TYW1B: variants seen among roughly 807,000 people sequenced by gnomAD.
The protein encoded by TYW1B is S-adenosyl-L-methionine-dependent tRNA 4-demethylwyosine synthase TYW1B.
A neutral mutation model predicts 86.9 loss-of-function variants in TYW1B; 73 were observed. That is an observed-to-expected ratio of 0.84 (90% CI 0.70 to 1.02). The LOEUF (loss-of-function observed/expected upper bound fraction) is 1.02. TYW1B is among the 50% of genes least tolerant of loss of function. TYW1B has a pLI of 0.00. For missense variants in TYW1B, 637 were observed against 827.4 expected (o/e 0.77, Z 2.82); for synonymous variants, 248 against 292.8 (o/e 0.85, Z 1.56).
chr7:72,574,889 C>T lies in TYW1B; in HGVS notation c.*609G>A. ...AATTTACATGGGAATGGGATGAGAT[C>T]TAGTAGTTTTAGATCCGATGCAATT... On this transcript the variant is annotated 3_prime_UTR_variant, in exon 14 of 14. Coordinates refer to ENST00000620995, the MANE Select transcript of TYW1B (RefSeq NM_001145440.3). 2 of 986,080 alleles carry T rather than the reference C, an allele frequency of 2.0e-6. No individual in the cohort carries two copies. Among genetic ancestry groups the T allele is most frequent in the South Asian group, 4.7e-5 (1 of 21,312 alleles). The allele number at this position is 986,080 out of a possible 1,614,324, so 61.1% of individuals were successfully genotyped here.
chr7:72,626,721 T>A (rs779419712), intron 12 of TYW1B, among the ~76,000 whole-genome samples: 28 of 152,038 alleles, frequency 1.8e-4, no homozygotes, highest in Non-Finnish European at 3.2e-4. Flanking sequence ...CCAAAAGGAA[T>A]CCTAAATGCA....
At chr7:72,770,827 A>AT (rs1483674482) in intron 7 of TYW1B, among the ~76,000 whole-genome samples, 2 of 152,168 alleles carry the variant, frequency 1.3e-5, no homozygotes, top group Non-Finnish European at 2.9e-5. Context: ...CTACTGAGCA[A>AT]TAAAAGTGAA....
At chr7:72,749,983 G>A (rs372731090) in intron 7 of TYW1B, among the ~76,000 whole-genome samples, 1 of 34,212 alleles carries the variant, frequency 2.9e-5, no homozygotes, top group Non-Finnish European at 5.1e-5. Context: ...TCAAACTCCT[G>A]GACTCAAATG....
intron 2 of TYW1B, among the ~76,000 whole-genome samples, chr7:72,822,702 G>A (rs1383276310): frequency 6.6e-6 from 1 of 152,140 alleles, no homozygotes; most frequent in African/African-American, 2.4e-5. Flanking sequence ...ATCCTATCCT[G>A]TAATCCTAGC....
intron 6 of TYW1B, among the ~76,000 whole-genome samples, chr7:72,794,281 T>G (rs1788269576): frequency 6.6e-6 from 1 of 151,986 alleles, no homozygotes; most frequent in South Asian, 2.1e-4. Context: ...CTTGGCCAGG[T>G]GCAGTGGCTC....
At chr7:72,749,438 C>A (rs568775356) in intron 7 of TYW1B, among the ~76,000 whole-genome samples, 200 of 152,158 alleles carry the variant, frequency 1.3e-3, no homozygotes, top group African/African-American at 4.6e-3. Context: ...GGACTACAGG[C>A]ACCCACCACC....
intron 13 of TYW1B, among the ~76,000 whole-genome samples, chr7:72,583,367 T>C (rs1811201877): frequency 6.6e-6 from 1 of 151,844 alleles, no homozygotes; most frequent in Non-Finnish European, 1.5e-5. Flanking sequence ...GAAAGATAAT[T>C]AGCAAAATGG....
chr7:72,578,399 G>C (rs1261308513), intron 13 of TYW1B, among the ~76,000 whole-genome samples: 2 of 152,164 alleles, frequency 1.3e-5, no homozygotes, highest in African/African-American at 4.8e-5. Context: ...ACAGGCATGA[G>C]CCACTGCACC....
chr7:72,767,335 G>A (rs1169908038), intron 7 of TYW1B, among the ~76,000 whole-genome samples: 4 of 152,182 alleles, frequency 2.6e-5, no homozygotes, highest in Non-Finnish European at 5.9e-5. Context: ...GGCCAGGCAC[G>A]GTGGCTCACA....
chr7:72,744,387 C>G, intron 8 of TYW1B, 97 bp downstream of exon 8: 2 of 1,268,420 alleles, frequency 1.6e-6, no homozygotes, highest in South Asian at 1.3e-5. Context: ...ATCACCAAGA[C>G]AGCAGAGCTC....
chr7:72,771,973 C>T (rs753747488), intron 7 of TYW1B, among the ~76,000 whole-genome samples: 9 of 151,620 alleles, frequency 5.9e-5, no homozygotes, highest in African/African-American at 9.7e-5. Flanking sequence ...CAGACTCCCA[C>T]GTAATTGGGA....
chr7:72,773,728 G>C (rs1203813990), intron 7 of TYW1B, among the ~76,000 whole-genome samples: 1 of 152,154 alleles, frequency 6.6e-6, no homozygotes, highest in Non-Finnish European at 1.5e-5. Context: ...TAGACATTTA[G>C]AGAAGAAACA....
intron 6 of TYW1B, among the ~76,000 whole-genome samples, chr7:72,782,518 GTCTT>G (rs1425367671): frequency 2.0e-5 from 3 of 152,092 alleles, no homozygotes; most frequent in Non-Finnish European, 2.9e-5. Flanking sequence ...CTGGGAAAGA[GTCTT>G]TCTGATTGTT....
chr7:72,780,177 C>T (rs1455548740), intron 6 of TYW1B, among the ~76,000 whole-genome samples: 1 of 152,066 alleles, frequency 6.6e-6, no homozygotes, highest in Non-Finnish European at 1.5e-5. Flanking sequence ...GCTATGTCGC[C>T]CAGGCTGGTC....
At chr7:72,601,756 A>C (rs1293707335) in intron 13 of TYW1B, among the ~76,000 whole-genome samples, 1 of 151,908 alleles carries the variant, frequency 6.6e-6, no homozygotes, top group Non-Finnish European at 1.5e-5. Context: ...TAAGTGAAAA[A>C]AAAAAAAGGT....
chr7:72,652,377 GAAAAAAAAAAAAAAAA>G (rs1169791430), intron 11 of TYW1B, among the ~76,000 whole-genome samples: 1 of 31,286 alleles, frequency 3.2e-5, no homozygotes, highest in African/African-American at 8.6e-5. Flanking sequence ...GACTCTGTCT[GAAAAAAAAAAAAAAAA>G]AAAAAAAAAA....
chr7:72,654,325 T>C (rs1191078257), intron 11 of TYW1B, among the ~76,000 whole-genome samples: 1 of 152,126 alleles, frequency 6.6e-6, no homozygotes, highest in Non-Finnish European at 1.5e-5. Flanking sequence ...CCAAAACACA[T>C]AAGCACAATT....
At chr7:72,791,486 C>G (rs1339986770) in intron 6 of TYW1B, among the ~76,000 whole-genome samples, 15 of 151,208 alleles carry the variant, frequency 9.9e-5, no homozygotes, top group African/African-American at 3.7e-4. Context: ...GACTTAAGAA[C>G]AATAGAACAG....
chr7:72,828,163 C>A lies in TYW1B; in HGVS notation c.-88G>T. The A allele has an allele frequency of 1.9e-6, 3 of 1,593,584 alleles. No individual in the cohort carries two copies. The highest frequency in any genetic ancestry group is 2.6e-6 in the Non-Finnish European group (3 of 1,170,062). On this transcript the variant is annotated 5_prime_UTR_variant, in exon 1 of 14. Transcript: ENST00000620995. The stretch of plus-strand genomic sequence containing the variant: ...TACTGCGAGACGCACCGAGCTACCT[C>A]GCGGCGTTAGCGCCGTACCGAGTGG...
Sources: gnomAD v4.1 joint callset for allele counts (sites outside exome capture counted in the v4.1 genomes callset) on GRCh38, gnomAD v4.1.1 for gene constraint, MANE v1.5 for transcripts, NCBI Gene and HGNC (gene_info 2026-07-23, HGNC 2026-07-21) for gene names.